Variants in RSRC1 observed in about 807,000 individuals in gnomAD.
RSRC1 encodes the protein serine/Arginine-related protein 53.
Under a neutral mutation model 49.1 loss-of-function variants are expected in RSRC1, and 39 were observed. The observed-to-expected ratio is 0.79, with a 90% CI of 0.61 to 1.04. RSRC1 has a LOEUF of 1.04. Among genes scored for constraint, RSRC1 ranks in the 50% least tolerant of loss-of-function variants. RSRC1 has a pLI of 0.00. For missense variants in RSRC1, 388 were observed against 402.4 expected (o/e 0.96, Z 0.31); for synonymous variants, 143 against 130.8 (o/e 1.09, Z -0.63).
intron 4 of RSRC1, among the ~76,000 whole-genome samples, chr3:158,283,875 T>A (rs1195042926): frequency 2.0e-5 from 1 of 50,398 alleles, no homozygotes; most frequent in African/African-American, 7.1e-5. Context: ...CGTTATCATT[T>A]GTTTTCTTTT....
At chr3:158,194,559 C>T (rs748093101) in intron 3 of RSRC1, among the ~76,000 whole-genome samples, 1 of 147,242 alleles carries the variant, frequency 6.8e-6, no homozygotes, top group Non-Finnish European at 1.5e-5. Context: ...AGGTTTGTTA[C>T]ATATGTATAC....
At chr3:158,237,477 C>T (rs540095371) in intron 4 of RSRC1, among the ~76,000 whole-genome samples, 1 of 152,294 alleles carries the variant, frequency 6.6e-6, no homozygotes, top group South Asian at 2.1e-4. Flanking sequence ...TCAGGTGTTG[C>T]ACATCTTCAC....
chr3:158,236,730 A>G (rs1410769386), intron 4 of RSRC1, among the ~76,000 whole-genome samples: 1 of 152,238 alleles, frequency 6.6e-6, no homozygotes, highest in East Asian at 1.9e-4. Context: ...AAAGTCAAAT[A>G]AAATATGTAG....
chr3:158,251,305 T>C (rs1169685286), intron 4 of RSRC1, among the ~76,000 whole-genome samples: 1 of 152,220 alleles, frequency 6.6e-6, no homozygotes, highest in Non-Finnish European at 1.5e-5. Context: ...GTTCTGGATC[T>C]TTTGTGGTTT....
At chr3:158,319,020 C>T (rs1728615105) in intron 5 of RSRC1, among the ~76,000 whole-genome samples, 1 of 152,064 alleles carries the variant, frequency 6.6e-6, no homozygotes. Flanking sequence ...ACAACTGAAA[C>T]ATTGTCATGA....
At chr3:158,483,783 A>G (rs1474162168) in intron 7 of RSRC1, among the ~76,000 whole-genome samples, 3 of 152,032 alleles carry the variant, frequency 2.0e-5, no homozygotes, top group African/African-American at 7.2e-5. Flanking sequence ...ACAGTCTTGA[A>G]TTTGCATTTT....
chr3:158,400,754 T>C (rs1733855928), intron 6 of RSRC1, among the ~76,000 whole-genome samples: 1 of 151,960 alleles, frequency 6.6e-6, no homozygotes, highest in Admixed American at 6.6e-5. Context: ...TTAAGCTGAG[T>C]CAAAAAGTTA....
intron 6 of RSRC1, among the ~76,000 whole-genome samples, chr3:158,391,850 T>C (rs1733318415): frequency 2.0e-5 from 3 of 152,102 alleles, no homozygotes; most frequent in Admixed American, 2.0e-4. Context: ...GAGATATTTT[T>C]CACAAAAGGT....
At chr3:158,129,808 A>G (rs975928738) in intron 3 of RSRC1, among the ~76,000 whole-genome samples, 1 of 152,194 alleles carries the variant, frequency 6.6e-6, no homozygotes, top group Non-Finnish European at 1.5e-5. Context: ...AATCAACTTG[A>G]CAATTTTGTC....
At chr3:158,253,059 CT>C (rs1724314096) in intron 4 of RSRC1, among the ~76,000 whole-genome samples, 1 of 150,562 alleles carries the variant, frequency 6.6e-6, no homozygotes, top group Non-Finnish European at 1.5e-5. Flanking sequence ...TTTTTTGGCA[CT>C]TATTGGCTTC....
intron 3 of RSRC1, among the ~76,000 whole-genome samples, chr3:158,202,096 C>A (rs1284702028): frequency 6.6e-6 from 1 of 152,084 alleles, no homozygotes; most frequent in African/African-American, 2.4e-5. Context: ...CTCACTGCAA[C>A]CTCCACCTCC....
At chr3:158,173,948 G>T (rs992923195) in intron 3 of RSRC1, among the ~76,000 whole-genome samples, 1 of 151,806 alleles carries the variant, frequency 6.6e-6, no homozygotes, top group South Asian at 2.1e-4. Context: ...TAGGGTTGGG[G>T]TGGGGGGTGG....
chr3:158,323,893 C>T (rs1728907987), intron 5 of RSRC1, among the ~76,000 whole-genome samples: 1 of 152,128 alleles, frequency 6.6e-6, no homozygotes, highest in Non-Finnish European at 1.5e-5. Context: ...ACATTCAGAA[C>T]AGTTCCTTCA....
At chr3:158,323,270 C>G (rs1205691046) in intron 5 of RSRC1, among the ~76,000 whole-genome samples, 2 of 152,086 alleles carry the variant, frequency 1.3e-5, no homozygotes, top group African/African-American at 2.4e-5. Context: ...TTGATATTGT[C>G]TGCTTTTTTA....
intron 3 of RSRC1, among the ~76,000 whole-genome samples, chr3:158,171,064 T>A (rs1255108550): frequency 6.6e-6 from 1 of 152,108 alleles, no homozygotes; most frequent in Admixed American, 6.6e-5. Context: ...GAGAAAGAGA[T>A]CCTCTTATTC....
chr3:158,313,114 C>T (rs9784311), intron 5 of RSRC1, among the ~76,000 whole-genome samples: 70,278 of 151,610 alleles, frequency 0.46, 16,702 homozygotes, highest in East Asian at 0.64. Context: ...CTCCCCTCAC[C>T]CCTTGGTTAC....
chr3:158,495,366 A>C (rs954378357), intron 7 of RSRC1, among the ~76,000 whole-genome samples: 3 of 151,474 alleles, frequency 2.0e-5, no homozygotes, highest in East Asian at 1.9e-4. Context: ...GCTCACTGCA[A>C]CTCCACCTCC....
chr3:158,339,161 G>A (rs956378073), intron 5 of RSRC1, among the ~76,000 whole-genome samples: 6 of 151,712 alleles, frequency 4.0e-5, no homozygotes, highest in Middle Eastern at 3.2e-3. Flanking sequence ...GCGCGGTGGC[G>A]GGCGCCTGTA....
chr3:158,415,684 T>C (rs536935032), intron 6 of RSRC1, among the ~76,000 whole-genome samples: 1 of 152,198 alleles, frequency 6.6e-6, no homozygotes, highest in African/African-American at 2.4e-5. Context: ...CAGAATTTAC[T>C]GTAGAACAAA....
Sources: gnomAD v4.1 joint callset for allele counts (sites outside exome capture counted in the v4.1 genomes callset) on GRCh38, gnomAD v4.1.1 for gene constraint, MANE v1.5 for transcripts, NCBI Gene and HGNC (gene_info 2026-07-23, HGNC 2026-07-21) for gene names.